POF1B: variants seen among roughly 807,000 people sequenced by gnomAD.
POF1B encodes POF1B actin binding protein.
In POF1B, 53 loss-of-function variants were observed where a neutral mutation model predicts 55.3. The ratio of observed to expected loss-of-function variants is 0.96; its 90% CI spans 0.77 to 1.20. POF1B has a LOEUF of 1.20. POF1B is among the 50% of genes most tolerant of loss of function. The pLI, the probability that POF1B is intolerant of heterozygous loss-of-function variation, is 0.00. For missense variants in POF1B, 478 were observed against 420.5 expected, an observed-to-expected ratio of 1.14 and a Z score of -1.20; for synonymous variants, 188 against 148.3, an observed-to-expected ratio of 1.27 and a Z score of -1.95.
intron 15 of POF1B, among the ~76,000 whole-genome samples, chrX:85,283,957 A>G (rs1931972846): frequency 9.0e-6 from 1 of 111,614 alleles, no homozygotes; most frequent in Admixed American, 9.6e-5. Flanking sequence ...AACTTCAGCA[A>G]AGTCTCAGGA....
intron 15 of POF1B, among the ~76,000 whole-genome samples, chrX:85,295,499 A>G (rs1932289812): frequency 8.9e-6 from 1 of 111,782 alleles, no homozygotes; most frequent in African/African-American, 3.2e-5. Flanking sequence ...GTCATTTGGG[A>G]GCAAGTTGTT....
chrX:85,317,637 G>T (rs1932799062), intron 7 of POF1B, among the ~76,000 whole-genome samples: 1 of 110,364 alleles, frequency 9.1e-6, no homozygotes, highest in African/African-American at 3.3e-5. Flanking sequence ...TTTTTTGCTT[G>T]TAAATTGTCA....
chrX:85,301,573 GAA>G (rs1932457334), intron 15 of POF1B, among the ~76,000 whole-genome samples: 1 of 111,229 alleles, frequency 9.0e-6, no homozygotes, highest in Non-Finnish European at 1.9e-5. Flanking sequence ...AAATCCATTT[GAA>G]GAAATAAAGA....
intron 9 of POF1B, among the ~76,000 whole-genome samples, chrX:85,312,145 A>G (rs1362775870): frequency 8.9e-6 from 1 of 111,786 alleles, no homozygotes. Flanking sequence ...CTCTGATAAT[A>G]GTTTCTTTTG....
rs1478156961 is a variant in POF1B at position 85,306,264 on chromosome X, G to A, written c.1234C>T (p.Leu412=). 6 of 1,204,116 alleles carry A rather than the reference G, an allele frequency of 5.0e-6. No individual in the cohort carries two copies. The highest frequency in any genetic ancestry group is 6.7e-6 in the Non-Finnish European group (6 of 890,254). Residue 412 remains leucine, a synonymous_variant, in exon 12 of 17, where the codon CTA becomes TTA. Transcript: ENST00000262753. The part of the protein sequence containing the change: ...EENNLSLRHT[L]SDMEYRLKEL... ...TTTAGTCTGTATTCCATGTCTGATA[G>A]TGTATGTCGAAGAGAGAGATTGTTT...
chrX:85,312,151 T>C (rs1227502592), intron 9 of POF1B, among the ~76,000 whole-genome samples: 1 of 112,123 alleles, frequency 8.9e-6, no homozygotes. Context: ...TAATAGTTTC[T>C]TTTGCTGTGC....
intron 15 of POF1B, among the ~76,000 whole-genome samples, chrX:85,297,403 A>G (rs1932331495): frequency 8.9e-6 from 1 of 111,823 alleles, no homozygotes; most frequent in Middle Eastern, 4.2e-3. Context: ...TTGTTTTGAT[A>G]TTCTTTATTT....
chrX:85,322,777 G>A (rs1311516096), intron 7 of POF1B, among the ~76,000 whole-genome samples: 1 of 111,765 alleles, frequency 8.9e-6, no homozygotes, highest in Non-Finnish European at 1.9e-5. Context: ...ATCAAAAGGT[G>A]GGCGAAGGAC....
At chrX:85,369,197 G>C in intron 2 of POF1B, among the ~76,000 whole-genome samples, 1 of 111,378 alleles carries the variant, frequency 9.0e-6, no homozygotes, top group Middle Eastern at 4.6e-3. Context: ...GCTAATAATT[G>C]AGAAGACTTG....
At chrX:85,377,858 CTATT>C (rs1047775315) in intron 2 of POF1B, among the ~76,000 whole-genome samples, 14 of 111,878 alleles carry the variant, frequency 1.3e-4, no homozygotes, top group Admixed American at 2.8e-4. Context: ...TTTTAAATAT[CTATT>C]TATGTTTCTT....
At chrX:85,289,893 A>G (rs767035030) in intron 15 of POF1B, among the ~76,000 whole-genome samples, 1 of 111,826 alleles carries the variant, frequency 8.9e-6, no homozygotes, top group South Asian at 3.7e-4. Context: ...ACTTGCAAAT[A>G]AAGAAGAAAT....
At chrX:85,303,672 A>T (rs1932509631) in intron 14 of POF1B, among the ~76,000 whole-genome samples, 184 bp from the exon 15 acceptor site, 1 of 111,033 alleles carries the variant, frequency 9.0e-6, no homozygotes, top group African/African-American at 3.3e-5. Context: ...GCTTCACAGT[A>T]CCTAATAAGT....
chrX:85,344,738 G>T (rs1254915744), intron 6 of POF1B, among the ~76,000 whole-genome samples: 1 of 111,182 alleles, frequency 9.0e-6, no homozygotes, highest in Non-Finnish European at 1.9e-5. Flanking sequence ...TTTCTGTGCA[G>T]ATATACAGAA....
chrX:85,350,422 C>T (rs1452818023), intron 5 of POF1B, among the ~76,000 whole-genome samples: 1 of 111,369 alleles, frequency 9.0e-6, no homozygotes, highest in Non-Finnish European at 1.9e-5. Flanking sequence ...TTTCTTAATC[C>T]AGTCTATCAT....
At chrX:85,320,838 C>A (rs1932830131) in intron 7 of POF1B, among the ~76,000 whole-genome samples, 1 of 111,218 alleles carries the variant, frequency 9.0e-6, no homozygotes, top group South Asian at 3.8e-4. Context: ...ACTAGAAAAT[C>A]TAGAAGAAAT....
chrX:85,354,229 A>G (rs1333264770), intron 4 of POF1B, among the ~76,000 whole-genome samples: 1 of 110,914 alleles, frequency 9.0e-6, no homozygotes, highest in African/African-American at 3.3e-5. Context: ...ATAATATTGT[A>G]ATATAATATT....
intron 4 of POF1B, among the ~76,000 whole-genome samples, chrX:85,351,832 A>G (rs1933396273): frequency 9.0e-6 from 1 of 110,986 alleles, no homozygotes; most frequent in Non-Finnish European, 1.9e-5. Context: ...TTCTATGCAA[A>G]AATATTGTTG....
At chrX:85,336,320 C>A (rs1016582703) in intron 6 of POF1B, among the ~76,000 whole-genome samples, 1 of 110,462 alleles carries the variant, frequency 9.1e-6, no homozygotes, top group African/African-American at 3.3e-5. Context: ...TATGTATATA[C>A]CCAGCAGTGG....
At chrX:85,281,273 A>T (rs1041040375) in intron 16 of POF1B, among the ~76,000 whole-genome samples, 3 of 109,912 alleles carry the variant, frequency 2.7e-5, no homozygotes, top group African/African-American at 9.9e-5. Context: ...GCTAGAAATG[A>T]CTTAAAGTAT....
Sources: allele counts gnomAD v4.1 joint callset (sites outside exome capture counted in the v4.1 genomes callset), GRCh38; gene constraint gnomAD v4.1.1; transcripts MANE v1.5; gene names NCBI Gene and HGNC (gene_info 2026-07-23, HGNC 2026-07-21).